CFAP54: variants seen among roughly 807,000 people sequenced by gnomAD.
CFAP54 encodes the protein cilia- and flagella-associated protein 54.
A neutral mutation model predicts 370.4 loss-of-function variants in CFAP54; 290 were observed. That is an observed-to-expected ratio of 0.78 (90% CI 0.71 to 0.86). CFAP54 has a LOEUF of 0.86. Among genes scored for constraint, CFAP54 ranks in the 40% least tolerant of loss-of-function variants. The pLI, the probability that CFAP54 is intolerant of heterozygous loss-of-function variation, is 0.00. For synonymous variants in CFAP54, 1,206 were observed against 1,236.5 expected, an observed-to-expected ratio of 0.98 and a Z score of 0.52; for missense variants, 3,399 against 3,528.7, an observed-to-expected ratio of 0.96 and a Z score of 0.93.
intron 46 of CFAP54, among the ~76,000 whole-genome samples, chr12:96,702,859 G>T (rs1323850396): frequency 6.6e-6 from 1 of 152,154 alleles, no homozygotes; most frequent in Non-Finnish European, 1.5e-5. Flanking sequence ...TGTAAAAGAA[G>T]TAACTGAAAA....
At chr12:96,529,546 A>C (rs1181463034) in intron 9 of CFAP54, among the ~76,000 whole-genome samples, 3 of 151,926 alleles carry the variant, frequency 2.0e-5, no homozygotes, top group Non-Finnish European at 4.4e-5. Context: ...CATTTTGTCC[A>C]TTTTGGTGTG....
chr12:96,730,952 G>T (rs1329878015), intron 50 of CFAP54, among the ~76,000 whole-genome samples: 3 of 152,178 alleles, frequency 2.0e-5, no homozygotes. Flanking sequence ...AGTATGTTTG[G>T]AGCAGTGATT....
chr12:96,770,039 T>A (rs1050619750), intron 60 of CFAP54, among the ~76,000 whole-genome samples: 3 of 152,214 alleles, frequency 2.0e-5, no homozygotes, highest in Non-Finnish European at 2.9e-5. Context: ...ATGCAATTCC[T>A]CTACTATTAT....
chr12:96,731,550 G>A (rs980147385), intron 50 of CFAP54, among the ~76,000 whole-genome samples: 5 of 152,184 alleles, frequency 3.3e-5, no homozygotes, highest in Non-Finnish European at 7.3e-5. Context: ...AGTATTTGTT[G>A]CCGATGATAG....
intron 66 of CFAP54, among the ~76,000 whole-genome samples, chr12:96,859,391 TTG>T (rs200741504): frequency 7.9e-6 from 1 of 126,530 alleles, no homozygotes; most frequent in Non-Finnish European, 1.8e-5. Context: ...AATGCACTTT[TTG>T]TTTGTTTGTT....
At chr12:96,604,883 A>C (rs1295896362) in intron 26 of CFAP54, among the ~76,000 whole-genome samples, 2 of 152,220 alleles carry the variant, frequency 1.3e-5, no homozygotes, top group African/African-American at 4.8e-5. Context: ...ATAGTCACTC[A>C]TGGCTTCCCT....
chr12:96,807,275 A>C (rs1244853555), intron 63 of CFAP54, among the ~76,000 whole-genome samples: 1 of 152,190 alleles, frequency 6.6e-6, no homozygotes, highest in Non-Finnish European at 1.5e-5. Context: ...TGAGAACCAA[A>C]CTTTTCTCAT....
At position 96,658,055 on chromosome 12, in the gene CFAP54, A is replaced by G; in HGVS notation, c.5274A>G (p.Glu1758=). 4.3e-6 allele frequency: 7 copies of G among 1,614,108 alleles called. No individual in the cohort carries two copies. Among genetic ancestry groups the G allele is most frequent in the Non-Finnish European group, 5.1e-6 (6 of 1,179,978 alleles). The part of the protein sequence containing the change: ...LKSLEVLYQV[E]KWETLVSLAI... ...CTCTGGAAGTTTTATATCAAGTGGA[A>G]AAATGGGAAACACTAGTATCTCTTG... The change falls in exon 37 of 68, where the codon GAA becomes GAG. Residue 1758 remains glutamate (E), a synonymous_variant. Transcript: ENST00000524981.
intron 47 of CFAP54, among the ~76,000 whole-genome samples, chr12:96,706,800 G>T (rs1226976133): frequency 1.3e-5 from 2 of 152,008 alleles, no homozygotes; most frequent in Admixed American, 6.5e-5. Context: ...GTGTGTGTGT[G>T]TGTGTGTTTG....
At chr12:96,528,071 C>T (rs748540238) in intron 9 of CFAP54, among the ~76,000 whole-genome samples, 6 of 152,136 alleles carry the variant, frequency 3.9e-5, no homozygotes, top group Non-Finnish European at 2.9e-5. Flanking sequence ...TCCAATAACA[C>T]ATGGGAAGAA....
chr12:96,723,913 G>A (rs1178415663), intron 50 of CFAP54, among the ~76,000 whole-genome samples: 2 of 145,236 alleles, frequency 1.4e-5, no homozygotes, highest in African/African-American at 5.2e-5. Flanking sequence ...CCATCTATGA[G>A]TGAGAACATG....
chr12:96,871,838 C>A (rs1247484170), intron 67 of CFAP54, among the ~76,000 whole-genome samples: 1 of 151,866 alleles, frequency 6.6e-6, no homozygotes, highest in Non-Finnish European at 1.5e-5. Context: ...CTGGACAGAT[C>A]AGTAGAAATT....
chr12:96,678,773 G>A (rs553222266), intron 39 of CFAP54, among the ~76,000 whole-genome samples: 7 of 152,088 alleles, frequency 4.6e-5, no homozygotes, highest in African/African-American at 1.7e-4. Context: ...CTCCAGTGTT[G>A]GAGTGTCCCA....
intron 64 of CFAP54, among the ~76,000 whole-genome samples, chr12:96,816,897 C>T (rs1186871490): frequency 6.6e-6 from 1 of 152,230 alleles, no homozygotes; most frequent in African/African-American, 2.4e-5. Context: ...TCTTCAGCAT[C>T]ATTGCTAGTG....
chr12:96,498,410 C>A (rs1325675767), intron 1 of CFAP54, among the ~76,000 whole-genome samples: 1 of 152,182 alleles, frequency 6.6e-6, no homozygotes, highest in Non-Finnish European at 1.5e-5. Flanking sequence ...ATCCCAGCAC[C>A]TGGGGAGGCC....
intron 9 of CFAP54, among the ~76,000 whole-genome samples, chr12:96,531,429 A>T (rs1955439428): frequency 6.6e-6 from 1 of 151,816 alleles, no homozygotes; most frequent in Admixed American, 6.6e-5. Context: ...CTTTGAGGTC[A>T]TATCTTTCTT....
intron 13 of CFAP54, chr12:96,540,284 T>A (rs1045218474): frequency 6.6e-6 from 1 of 152,230 alleles, no homozygotes; most frequent in South Asian, 2.1e-4. Flanking sequence ...GTATTTTTAA[T>A]AGAGACAGGG....
In CFAP54 at chr12:96,704,408, C is replaced by T. The variant is rs559443442; in HGVS notation, c.6475-335C>T. On this transcript the variant is annotated intron_variant, in intron 46 of 67. Coordinates refer to ENST00000524981, the MANE Select transcript of CFAP54 (RefSeq NM_001306084.2). ...CGCCACTGCACTCCAGCCTGGGCGA[C>T]AGAGCGAGACTCGGTCTAAAAAAAA... 1.7e-4 allele frequency among the ~76,000 whole-genome samples: 19 copies of T among 114,778 alleles called. No individual in the cohort carries two copies. In the East Asian group the frequency reaches 4.3e-3, roughly 26 times the overall value. 75.3% of individuals were successfully genotyped at this position (114,778 alleles called of 152,430 possible). A position where few individuals can be genotyped will look rare whatever the true frequency, so the allele number is the denominator to read the frequency against.
At position 96,661,765 on chromosome 12, in the gene CFAP54, G is replaced by C. The variant is rs557188766; in HGVS notation, c.5461-2065G>C. Among the ~76,000 whole-genome samples the C allele has an allele frequency of 2.6e-5, 4 of 152,284 alleles. No individual in the cohort carries two copies. The South Asian group carries it at 8.3e-4, about 32-fold the overall frequency. On this transcript the variant is annotated intron_variant, in intron 38 of 67. Transcript: ENST00000524981. ...GGGTGAATTGTGTGTATGCCAGAAA[G>C]TAGATGCTTCCCTCTCTTTCCTCCT...
Sources: allele counts gnomAD v4.1 joint callset (sites outside exome capture counted in the v4.1 genomes callset), GRCh38; gene constraint gnomAD v4.1.1; transcripts MANE v1.5; gene names NCBI Gene and HGNC (gene_info 2026-07-23, HGNC 2026-07-21).